Variants in DHX15 observed in about 807,000 individuals in gnomAD.
DHX15 encodes ATP-dependent RNA helicase DHX15.
Under a neutral mutation model 94.4 loss-of-function variants are expected in DHX15, and 11 were observed. The observed-to-expected ratio is 0.12, with a 90% CI of 0.07 to 0.19. The LOEUF (loss-of-function observed/expected upper bound fraction) is 0.19, where lower values mean the gene tolerates loss of function less well. Ranked by LOEUF, DHX15 falls within the 10% of genes least tolerant of loss-of-function variation. The pLI is 1.00. For missense variants in DHX15, 304 were observed against 988.5 expected (o/e 0.31, Z 9.29); for synonymous variants, 338 against 329.9 (o/e 1.02, Z -0.27).
At chr4:24,540,810 C>A in intron 9 of DHX15, 30 bp downstream of exon 9, 1 of 1,258,140 alleles carries the variant, frequency 7.9e-7, no homozygotes, top group Non-Finnish European at 1.1e-6. Context: ...GTTAAAAGAT[C>A]TGATAAAAAT....
rs192874892 is a variant in DHX15, at chr4:24,552,498, T to C, written c.1080+2227A>G. Among the ~76,000 whole-genome samples, 276 of 152,358 alleles carry C rather than the reference T, an allele frequency of 1.8e-3. 1 individual carries two copies. The highest frequency in any genetic ancestry group is 3.4e-3 in the Middle Eastern group (1 of 294). On this transcript the variant is annotated intron_variant, in intron 5 of 13. Coordinates refer to ENST00000336812, the MANE Select transcript of DHX15 (RefSeq NM_001358.3). ...ACTTTTATTTAGTGGTCAGAATATG[T>C]TCTTAAAAACCAGTTTTAAATTTTT... is the stretch of plus-strand genomic sequence containing the variant.
At chr4:24,566,081 T>C (rs566305794) in intron 3 of DHX15, among the ~76,000 whole-genome samples, 74 of 151,696 alleles carry the variant, frequency 4.9e-4, no homozygotes, top group African/African-American at 1.7e-3. Flanking sequence ...TCTTGCTCTG[T>C]CACCCAGGCT....
chr4:24,584,448 G>A lies in DHX15; in HGVS notation c.-55C>T. The A allele has an allele frequency of 2.6e-6, 4 of 1,552,886 alleles. No individual in the cohort carries two copies. The highest frequency in any genetic ancestry group is 1.4e-5 in the African/African-American group (1 of 72,794). On this transcript the variant is annotated 5_prime_UTR_variant, in exon 1 of 14. Transcript: ENST00000336812. ...AGGAAGAAAGCTGGCTGCTGTATGG[G>A]CACAGTCGAGGACAGCCACTTAACT... is the stretch of plus-strand genomic sequence containing the variant.
chr4:24,574,615 T>TA (rs1210952814), intron 2 of DHX15, among the ~76,000 whole-genome samples: 1 of 152,184 alleles, frequency 6.6e-6, no homozygotes, highest in Non-Finnish European at 1.5e-5. Context: ...TACAAAGTTT[T>TA]AAATATTGAG....
intron 12 of DHX15, 30 bp from the exon 13 acceptor site, chr4:24,529,800 A>G: frequency 1.2e-6 from 2 of 1,610,742 alleles, no homozygotes; most frequent in Non-Finnish European, 1.7e-6. Flanking sequence ...TATTATTAAT[A>G]CAATGCTTCT....
Position 24,529,982 on chromosome 4 carries a change from CA to C in DHX15, c.2101-213del, listed in dbSNP as rs1413269588. 35 of 568,340 alleles carry C rather than the reference CA, an allele frequency of 6.2e-5. No homozygotes were observed. The East Asian group carries it at 6.6e-4, about 11-fold the overall frequency. 35.2% of individuals were successfully genotyped at this position (568,340 alleles called of 1,614,324 possible). On this transcript the variant is annotated intron_variant, in intron 12 of 13. Coordinates refer to ENST00000336812, the MANE Select transcript of DHX15 (RefSeq NM_001358.3). ...CCTCTATTTGTAAGGTCTGTGAATC[CA>C]AAATGGTTTATTTATCTTTAATTAG...
chr4:24,543,166 G>T, intron 6 of DHX15, 140 bp from the exon 7 acceptor site: 1 of 597,410 alleles, frequency 1.7e-6, no homozygotes. Flanking sequence ...GATCTTCAAT[G>T]GCCAATGCTT....
intron 3 of DHX15, among the ~76,000 whole-genome samples, chr4:24,557,455 A>G (rs912896193): frequency 6.6e-6 from 1 of 152,134 alleles, no homozygotes; most frequent in Non-Finnish European, 1.5e-5. Context: ...GACCAACTGG[A>G]TATTTTTAGC....
Position 24,569,117 on chromosome 4 carries a change from T to C in DHX15, c.701+1537A>G, listed in dbSNP as rs986208533. 1.7e-4 allele frequency among the ~76,000 whole-genome samples: 26 copies of C among 152,204 alleles called. 2 individuals are homozygous for C. The highest frequency in any genetic ancestry group is 1.6e-3 in the Admixed American group (24 of 15,276). On this transcript the variant is annotated intron_variant, in intron 3 of 13. Coordinates refer to ENST00000336812, the MANE Select transcript of DHX15 (RefSeq NM_001358.3). Reference sequence around the variant, plus strand: ...TCCAATAAATTGTTTTAAGTTATGATAGCTCTATTTTAAGAAACTATCTCA... The same window carrying C: ...TCCAATAAATTGTTTTAAGTTATGACAGCTCTATTTTAAGAAACTATCTCA...
intron 12 of DHX15, chr4:24,530,343 T>C: frequency 6.5e-6 from 1 of 154,118 alleles, no homozygotes; most frequent in African/African-American, 2.4e-5. Context: ...TTTGGGAGGC[T>C]GAGACAGGCA....
At chr4:24,551,671 G>T (rs1432243090) in intron 5 of DHX15, among the ~76,000 whole-genome samples, 1 of 152,072 alleles carries the variant, frequency 6.6e-6, no homozygotes, top group Non-Finnish European at 1.5e-5. Context: ...AGATTAGAAT[G>T]CCCCCTGCTG....
At chr4:24,549,116 ATCT>A in intron 5 of DHX15, 94 bp from the exon 6 acceptor site, 2 of 1,031,030 alleles carry the variant, frequency 1.9e-6, no homozygotes, top group South Asian at 5.3e-5. Flanking sequence ...TATGTATGCC[ATCT>A]TCTTTCACTT....
intron 1 of DHX15, among the ~76,000 whole-genome samples, chr4:24,583,877 A>G (rs984627473): frequency 6.6e-6 from 1 of 151,296 alleles, no homozygotes; most frequent in Non-Finnish European, 1.5e-5. Flanking sequence ...GCCCCCACCC[A>G]GGCCCTCCCC....
intron 8 of DHX15, among the ~76,000 whole-genome samples, chr4:24,541,239 T>C (rs985159368): frequency 6.6e-5 from 10 of 152,286 alleles, no homozygotes; most frequent in African/African-American, 1.7e-4. Context: ...AGTTAAGCAG[T>C]GTCAACAGAA....
At chr4:24,548,833 TA>T in intron 6 of DHX15, 21 bp downstream of exon 6, 2 of 1,598,864 alleles carry the variant, frequency 1.3e-6, no homozygotes, top group Non-Finnish European at 1.7e-6. Context: ...GAAATATTTA[TA>T]AAGAGCATTT....
intron 6 of DHX15, among the ~76,000 whole-genome samples, chr4:24,544,192 C>A (rs1330055302): frequency 6.6e-6 from 1 of 152,066 alleles, no homozygotes; most frequent in Non-Finnish European, 1.5e-5. Flanking sequence ...ATATTTATCC[C>A]TATTTTATTT....
At chr4:24,547,945 A>ATATATATC (rs1721484213) in intron 6 of DHX15, among the ~76,000 whole-genome samples, 1 of 49,012 alleles carries the variant, frequency 2.0e-5, no homozygotes, top group African/African-American at 8.9e-5. Flanking sequence ...ATATATATCT[A>ATATATATC]TATCTATATC....
intron 1 of DHX15, among the ~76,000 whole-genome samples, chr4:24,579,736 A>G (rs1722363597): frequency 1.3e-5 from 2 of 152,238 alleles, no homozygotes; most frequent in Admixed American, 6.5e-5. Context: ...TGTCTGGCAC[A>G]TTGCAAATGC....
At chr4:24,584,246 A>T in intron 1 of DHX15, 77 bp downstream of exon 1, 1 of 1,439,932 alleles carries the variant, frequency 6.9e-7, no homozygotes, top group Non-Finnish European at 9.4e-7. Context: ...CCGCTCGGCC[A>T]GGCCAGCCCC....
Sources: allele counts gnomAD v4.1 joint callset (sites outside exome capture counted in the v4.1 genomes callset), GRCh38; gene constraint gnomAD v4.1.1; transcripts MANE v1.5; gene names NCBI Gene and HGNC (gene_info 2026-07-23, HGNC 2026-07-21).